The following WIPF1 variants were observed in gnomAD, a reference collection of about 807,000 sequenced individuals.
WIPF1 encodes the protein WAS/WASL interacting protein family member 1.
WIPF1 carries 13 observed loss-of-function variants against 35.4 expected under a neutral mutation model. The observed-to-expected ratio is 0.37, with a 90% CI of 0.24 to 0.58. WIPF1 has a LOEUF of 0.58. Ranked by LOEUF, WIPF1 falls within the 20% of genes least tolerant of loss-of-function variation. WIPF1 has a pLI of 0.74. For synonymous variants in WIPF1, 267 were observed against 266.3 expected, an observed-to-expected ratio of 1.00 and a Z score of -0.02; for missense variants, 591 against 667.0, an observed-to-expected ratio of 0.89 and a Z score of 1.25.
At chr2:174,667,025 C>G (rs749883613) in intron 1 of WIPF1, among the ~76,000 whole-genome samples, 1 of 152,242 alleles carries the variant, frequency 6.6e-6, no homozygotes, top group Non-Finnish European at 1.5e-5. Flanking sequence ...TCCCTGAAAA[C>G]CTTGCTGTAT....
intron 1 of WIPF1, among the ~76,000 whole-genome samples, chr2:174,670,966 A>C (rs1688005163): frequency 6.6e-6 from 1 of 152,232 alleles, no homozygotes; most frequent in Non-Finnish European, 1.5e-5. Context: ...ATACTGACAC[A>C]TAAAATGGAC....
chr2:174,664,953 C>A (rs1687858959), intron 1 of WIPF1, among the ~76,000 whole-genome samples: 1 of 152,120 alleles, frequency 6.6e-6, no homozygotes, highest in Non-Finnish European at 1.5e-5. Flanking sequence ...TTATCTAAAC[C>A]ATCATATCCC....
At chr2:174,615,073 A>C (rs1478643338) in intron 1 of WIPF1, among the ~76,000 whole-genome samples, 1 of 152,248 alleles carries the variant, frequency 6.6e-6, no homozygotes, top group African/African-American at 2.4e-5. Flanking sequence ...ATCAGTCTTA[A>C]AAGCGCAGCT....
At chr2:174,657,528 G>A (rs543154506) in intron 1 of WIPF1, among the ~76,000 whole-genome samples, 2 of 152,198 alleles carry the variant, frequency 1.3e-5, no homozygotes, top group African/African-American at 2.4e-5. Flanking sequence ...CATTAATGTC[G>A]ATGTCCTGTC....
At chr2:174,664,050 T>C (rs1055022821) in intron 1 of WIPF1, among the ~76,000 whole-genome samples, 1 of 152,192 alleles carries the variant, frequency 6.6e-6, no homozygotes, top group Non-Finnish European at 1.5e-5. Context: ...AGTCAGGTAC[T>C]GTCTTTCCCT....
chr2:174,633,966 T>C (rs1687106625), intron 1 of WIPF1, among the ~76,000 whole-genome samples: 1 of 152,034 alleles, frequency 6.6e-6, no homozygotes, highest in African/African-American at 2.4e-5. Flanking sequence ...AGGAGGACAG[T>C]AGAAAAAATA....
intron 1 of WIPF1, 39 bp from the exon 2 acceptor site, chr2:174,585,650 C>G (rs1254905097): frequency 2.2e-6 from 3 of 1,381,930 alleles, no homozygotes; most frequent in Non-Finnish European, 3.1e-6. Context: ...TAGATGTAAT[C>G]TTAGTAATAC....
At chr2:174,640,048 C>T (rs569091913) in intron 1 of WIPF1, among the ~76,000 whole-genome samples, 16 of 151,936 alleles carry the variant, frequency 1.1e-4, no homozygotes, top group African/African-American at 3.9e-4. Flanking sequence ...AAGACACCAC[C>T]AAAAAACTGT....
rs114872791 is a variant in WIPF1 at position 174,635,717 on chromosome 2, C to G, written c.-39+47057G>C. 8.0e-3 allele frequency among the ~76,000 whole-genome samples: 1,209 copies of G among 151,188 alleles called. 18 individuals are homozygous for G. Among genetic ancestry groups the G allele is most frequent in the African/African-American group, 0.029 (1,171 of 40,684 alleles). ...CCCAAAGTTGCTTCTATTTGGCTAC[C>G]CTGGCATGATTATTTTTAAAAAAAT... On this transcript the variant is annotated intron_variant, in intron 1 of 8. Coordinates refer to the WIPF1 transcript ENST00000272746.
chr2:174,631,661 T>A (rs1687026382), intron 1 of WIPF1, among the ~76,000 whole-genome samples: 1 of 152,194 alleles, frequency 6.6e-6, no homozygotes, highest in Non-Finnish European at 1.5e-5. Context: ...TATTTCCCAA[T>A]ATGATGGTGA....
intron 5 of WIPF1, chr2:174,570,324 A>G (rs1684786885): frequency 6.6e-6 from 1 of 152,258 alleles, no homozygotes; most frequent in Non-Finnish European, 1.5e-5. Flanking sequence ...AAAGACTGAA[A>G]GGACACATTA....
chr2:174,595,110 AT>A (rs1209791400), intron 1 of WIPF1, among the ~76,000 whole-genome samples: 7,405 of 30,194 alleles, frequency 0.25, 1,564 homozygotes, highest in East Asian at 0.57. Context: ...AAAAAAAAAA[AT>A]ATATATATAT....
At chr2:174,564,903 T>C (rs74850888) in intron 7 of WIPF1, among the ~76,000 whole-genome samples, 7,076 of 151,416 alleles carry the variant, frequency 0.047, 221 homozygotes, top group Non-Finnish European at 0.071. Flanking sequence ...CTAACACTTT[T>C]TTTTTTTTTT....
chr2:174,676,831 G>A (rs1304916932), intron 1 of WIPF1, among the ~76,000 whole-genome samples: 1 of 151,920 alleles, frequency 6.6e-6, no homozygotes, highest in African/African-American at 2.4e-5. Flanking sequence ...TTTTAATTTG[G>A]AACACATAAA....
chr2:174,611,326 T>C (rs1437166040), intron 1 of WIPF1, among the ~76,000 whole-genome samples: 4 of 152,116 alleles, frequency 2.6e-5, no homozygotes, highest in African/African-American at 7.2e-5. Flanking sequence ...CCAAAGTCCT[T>C]TGGGGGTTAG....
intron 1 of WIPF1, among the ~76,000 whole-genome samples, chr2:174,607,607 C>T (rs895059084): frequency 2.0e-5 from 3 of 152,020 alleles, no homozygotes; most frequent in African/African-American, 7.2e-5. Context: ...GACACTCCCC[C>T]ACTTCCCCTC....
chr2:174,649,666 T>C lies in WIPF1; in HGVS notation c.-39+33108A>G, dbSNP rs149815463. 1.1e-3 allele frequency among the ~76,000 whole-genome samples: 162 copies of C among 152,268 alleles called. 1 individual carries two copies. The highest frequency in any genetic ancestry group is 2.1e-3 in the Non-Finnish European group (143 of 68,020). ...CTGGTGTCTTTCCCATGTGGCCCTA[T>C]GTGGTGTGCTGTGCCTTTATATGTA... On this transcript the variant is annotated intron_variant, in intron 1 of 8. Coordinates refer to the WIPF1 transcript ENST00000272746.
chr2:174,573,339 A>G (rs998697435), intron 4 of WIPF1, among the ~76,000 whole-genome samples: 4 of 152,158 alleles, frequency 2.6e-5, no homozygotes, highest in East Asian at 1.9e-4. Flanking sequence ...AGCACTTGCT[A>G]TGCGCCTGCC....
intron 1 of WIPF1, among the ~76,000 whole-genome samples, chr2:174,653,269 C>A (rs1687570427): frequency 6.6e-6 from 1 of 152,142 alleles, no homozygotes; most frequent in African/African-American, 2.4e-5. Flanking sequence ...CGTGGCTCCC[C>A]TAAGGTGAGT....
Sources: allele counts gnomAD v4.1 joint callset (sites outside exome capture counted in the v4.1 genomes callset), GRCh38; gene constraint gnomAD v4.1.1; transcripts MANE v1.5; gene names NCBI Gene and HGNC (gene_info 2026-07-23, HGNC 2026-07-21).